PKNOX1: variants seen among roughly 807,000 people sequenced by gnomAD.
The protein encoded by PKNOX1 is homeobox protein PKNOX1.
Under a neutral mutation model 51.9 loss-of-function variants are expected in PKNOX1, and 15 were observed. The ratio of observed to expected loss-of-function variants is 0.29; its 90% CI spans 0.19 to 0.45. The LOEUF (loss-of-function observed/expected upper bound fraction) is 0.45. Among genes scored for constraint, PKNOX1 ranks in the 20% least tolerant of loss-of-function variants. The pLI, the probability that PKNOX1 is intolerant of heterozygous loss-of-function variation, is 1.00. For missense variants in PKNOX1, 462 were observed against 547.5 expected, an observed-to-expected ratio of 0.84 and a Z score of 1.56; for synonymous variants, 219 against 211.1, an observed-to-expected ratio of 1.04 and a Z score of -0.32.
intron 1 of PKNOX1, among the ~76,000 whole-genome samples, chr21:42,993,723 CTCTTTTTTTT>C (rs142535498): frequency 0.68 from 69,532 of 102,394 alleles, 21,815 homozygotes; most frequent in African/African-American, 0.75. Flanking sequence ...TATTCGTTAA[CTCTTTTTTTT>C]TCTTTTTTTT....
intron 1 of PKNOX1, among the ~76,000 whole-genome samples, chr21:42,991,986 A>G (rs1226032691): frequency 2.6e-5 from 4 of 152,258 alleles, no homozygotes; most frequent in Middle Eastern, 3.4e-3. Context: ...CTTGCTGGAG[A>G]TGCACTACTA....
intron 6 of PKNOX1, chr21:43,017,819 ATACT>A: frequency 4.6e-6 from 1 of 216,508 alleles, no homozygotes; most frequent in Non-Finnish European, 9.3e-6. Context: ...GTTTGTTTTG[ATACT>A]TTATAGTGAC....
intron 1 of PKNOX1, among the ~76,000 whole-genome samples, chr21:43,000,618 C>T (rs1978709546): frequency 6.6e-6 from 1 of 152,108 alleles, no homozygotes; most frequent in African/African-American, 2.4e-5. Flanking sequence ...ACAGCTAAAC[C>T]ATATCACACC....
intron 1 of PKNOX1, among the ~76,000 whole-genome samples, chr21:42,986,639 A>G (rs778018024): frequency 8.5e-5 from 13 of 152,230 alleles, no homozygotes; most frequent in Non-Finnish European, 1.5e-4. Context: ...TTTCTGAACC[A>G]CAGGTGCCTA....
intron 5 of PKNOX1, among the ~76,000 whole-genome samples, chr21:43,014,330 G>A (rs543251034): frequency 4.7e-5 from 7 of 149,612 alleles, no homozygotes; most frequent in Admixed American, 2.0e-4. Context: ...CGTCTTTTGC[G>A]CATTTTTTAG....
chr21:43,007,387 C>T (rs1601289443), intron 2 of PKNOX1, 104 bp from the exon 3 acceptor site: 4 of 995,940 alleles, frequency 4.0e-6, no homozygotes, highest in East Asian at 2.4e-5. Flanking sequence ...TGCAGTCATA[C>T]TGCTGTCTGG....
chr21:43,006,788 C>T (rs890000427), intron 2 of PKNOX1, among the ~76,000 whole-genome samples: 1 of 152,324 alleles, frequency 6.6e-6, no homozygotes, highest in South Asian at 2.1e-4. Context: ...AGAAATGGCC[C>T]GTCCTGGTCC....
At chr21:43,001,864 G>A (rs1978770107) in intron 1 of PKNOX1, among the ~76,000 whole-genome samples, 1 of 152,092 alleles carries the variant, frequency 6.6e-6, no homozygotes, top group Non-Finnish European at 1.5e-5. Context: ...GGAGGCTGAG[G>A]CAGGAGAATG....
chr21:43,006,330 T>G (rs1401281016), intron 2 of PKNOX1, among the ~76,000 whole-genome samples: 2 of 152,288 alleles, frequency 1.3e-5, no homozygotes, highest in African/African-American at 4.8e-5. Context: ...TTCACCATGT[T>G]GGCCAGGCTG....
At chr21:43,014,147 G>A (rs879428074) in intron 5 of PKNOX1, among the ~76,000 whole-genome samples, 2 of 150,150 alleles carry the variant, frequency 1.3e-5, no homozygotes, top group Non-Finnish European at 2.9e-5. Flanking sequence ...TCACCCTCCT[G>A]AGTAGCTGGG....
chr21:42,996,496 T>C (rs896937951), intron 1 of PKNOX1, among the ~76,000 whole-genome samples: 5 of 152,090 alleles, frequency 3.3e-5, no homozygotes, highest in African/African-American at 1.2e-4. Context: ...TGTAAGTCCA[T>C]CATCCTTTAA....
At chr21:42,978,495 T>C (rs1402710621) in intron 1 of PKNOX1, among the ~76,000 whole-genome samples, 2 of 149,390 alleles carry the variant, frequency 1.3e-5, no homozygotes, top group Non-Finnish European at 3.0e-5. Flanking sequence ...TCTTTTTTTT[T>C]TTTTTTTTGA....
intron 1 of PKNOX1, among the ~76,000 whole-genome samples, chr21:42,996,807 A>T (rs929741185): frequency 6.6e-6 from 1 of 151,860 alleles, no homozygotes; most frequent in Admixed American, 6.6e-5. Flanking sequence ...GGCTCAAGTG[A>T]TCCTTCCACC....
At chr21:43,027,000 T>C (rs1980011104) in intron 9 of PKNOX1, among the ~76,000 whole-genome samples, 1 of 152,120 alleles carries the variant, frequency 6.6e-6, no homozygotes, top group African/African-American at 2.4e-5. Context: ...TCTAGTGTTG[T>C]TGTTTTGCAG....
intron 1 of PKNOX1, among the ~76,000 whole-genome samples, chr21:42,996,757 G>A (rs1288859098): frequency 6.6e-6 from 1 of 152,158 alleles, no homozygotes; most frequent in Non-Finnish European, 1.5e-5. Flanking sequence ...TTGTAGAGAT[G>A]GGGTCTCGTT....
At chr21:42,983,720 G>A (rs937397871) in intron 1 of PKNOX1, among the ~76,000 whole-genome samples, 6 of 151,982 alleles carry the variant, frequency 3.9e-5, no homozygotes, top group South Asian at 2.1e-4. Flanking sequence ...CCGATTTTTC[G>A]CAGCAACTGT....
At position 43,021,147 on chromosome 21, in the gene PKNOX1, C is replaced by T. The variant is rs536729176; in HGVS notation, c.721-156C>T. On this transcript the variant is annotated intron_variant, in intron 7 of 10. Coordinates refer to ENST00000291547, the MANE Select transcript of PKNOX1 (RefSeq NM_004571.5). The surrounding 1 kb of genome is among the most constrained non-coding windows in gnomAD (Gnocchi z 4.6). The stretch of plus-strand genomic sequence containing the variant: ...GCTGGTCATGTGGAGGGAGCCGTGT[C>T]CTGAAACATCAGTCCACACAGGGTT... 103 of 526,678 alleles carry T rather than the reference C, an allele frequency of 2.0e-4. 1 individual carries two copies. Among genetic ancestry groups the T allele is most frequent in the South Asian group, 1.9e-3 (79 of 40,900 alleles). The allele number at this position is 526,678 out of a possible 1,614,324, so 32.6% of individuals were successfully genotyped here.
rs137934892 is a variant in PKNOX1 at position 42,978,374 on chromosome 21, G to A, written c.-57+3710G>A. On this transcript the variant is annotated intron_variant, in intron 1 of 10. Coordinates refer to ENST00000291547, the MANE Select transcript of PKNOX1 (RefSeq NM_004571.5). ...CTTTAAGTTTTCCTTTGTTCTGAGA[G>A]GTGATTTAAAATTTCAAAAATTTGT... is the stretch of plus-strand genomic sequence containing the variant. Among the ~76,000 whole-genome samples the A allele has an allele frequency of 5.7e-3, 873 of 151,828 alleles. 24 individuals carry two copies. The highest frequency in any genetic ancestry group is 0.046 in the Admixed American group (702 of 15,256).
intron 1 of PKNOX1, among the ~76,000 whole-genome samples, chr21:42,998,836 T>C (rs995473226): frequency 1.3e-5 from 2 of 152,210 alleles, no homozygotes; most frequent in African/African-American, 4.8e-5. Flanking sequence ...CCCAGCTGCT[T>C]TCACGGGCTG....
Sources: gnomAD v4.1 joint callset for allele counts (sites outside exome capture counted in the v4.1 genomes callset) on GRCh38, gnomAD v4.1.1 for gene constraint, Gnocchi (gnomAD v3.1) non-coding constraint, MANE v1.5 for transcripts, NCBI Gene and HGNC (gene_info 2026-07-23, HGNC 2026-07-21) for gene names.